Variants in ADAMTSL1 observed in about 807,000 individuals in gnomAD.
ADAMTSL1 encodes ADAMTS-like protein 1.
In ADAMTSL1, 126 loss-of-function variants were observed where a neutral mutation model predicts 201.8. The ratio of observed to expected loss-of-function variants is 0.62; its 90% confidence interval spans 0.54 to 0.72. ADAMTSL1 has a LOEUF of 0.72. ADAMTSL1 is among the 30% of genes least tolerant of loss of function. The probability of loss-of-function intolerance (pLI) is 0.00; values close to 1 mark genes in which losing one functional copy is unlikely to be tolerated. For missense variants in ADAMTSL1, 2,679 were observed against 2,277.8 expected (o/e 1.18, Z -3.59); for synonymous variants, 1,121 against 903.4 (o/e 1.24, Z -4.32).
Position 18,681,700 on chromosome 9 carries a change from G to GGGA in ADAMTSL1, c.1342-110_1342-109insAGG. The GGGA allele has an allele frequency of 3.0e-6, 2 of 673,508 alleles. 1 individual carries two copies. Among genetic ancestry groups the GGGA allele is most frequent in the Non-Finnish European group, 4.3e-6 (2 of 469,508 alleles). The allele number at this position is 673,508 out of a possible 1,614,324, so 41.7% of individuals were successfully genotyped here. ...AAATTTACCAGGAGTCCTCGTGTGG[G>GGGA]GGGGGGGGGCGGGGAAAAAGAAAAC... On this transcript the variant is annotated intron_variant, in intron 11 of 28. Coordinates refer to ENST00000380548, the MANE Select transcript of ADAMTSL1 (RefSeq NM_001040272.6).
intron 3 of ADAMTSL1, among the ~76,000 whole-genome samples, chr9:18,546,231 G>A (rs984380331): frequency 6.6e-6 from 1 of 152,130 alleles, no homozygotes; most frequent in African/African-American, 2.4e-5. Context: ...AGAGTGTTTA[G>A]TTTGGGTTTC....
Position 18,777,725 on chromosome 9 carries a change from A to G in ADAMTSL1, c.3496A>G (p.Ile1166Val), listed in dbSNP as rs755056507. The G allele has an allele frequency of 2.5e-6, 4 of 1,613,482 alleles. No homozygotes were observed. In the Admixed American group the frequency reaches 6.7e-5, roughly 27 times the overall value. The change falls in exon 19 of 29, where the codon ATC (isoleucine) becomes GTC (valine). Residue 1166 changes from isoleucine to valine, a missense_variant. Ile to Val is a conservative substitution (Grantham distance 29, BLOSUM62 3). Coordinates refer to ENST00000380548, the MANE Select transcript of ADAMTSL1 (RefSeq NM_001040272.6). The part of the protein sequence containing the change: ...GSRRPHRKPT[I>V]LRKISAAQQL... ...TCGAAGGCCACACCGCAAGCCCACC[A>G]TCCTGCGCAAGATCTCAGCGGCCCA...
intron 1 of ADAMTSL1, among the ~76,000 whole-genome samples, chr9:18,009,055 C>G (rs978901577): frequency 2.0e-5 from 3 of 151,990 alleles, no homozygotes; most frequent in Non-Finnish European, 4.4e-5. Context: ...CAGATCTGCA[C>G]TCTAGCTCTG....
chr9:18,841,822 C>A (rs551658005), intron 23 of ADAMTSL1, among the ~76,000 whole-genome samples: 2 of 152,290 alleles, frequency 1.3e-5, no homozygotes, highest in African/African-American at 4.8e-5. Context: ...AGTTTATTTG[C>A]GTAGAGGTGT....
At chr9:18,149,560 TC>T (rs1312809240) in intron 1 of ADAMTSL1, among the ~76,000 whole-genome samples, 1 of 152,000 alleles carries the variant, frequency 6.6e-6, no homozygotes, top group African/African-American at 2.4e-5. Flanking sequence ...AAAAGCATCA[TC>T]TCAGGCCCTA....
At chr9:18,139,180 G>A (rs913943712) in intron 1 of ADAMTSL1, among the ~76,000 whole-genome samples, 3 of 152,164 alleles carry the variant, frequency 2.0e-5, no homozygotes, top group African/African-American at 7.2e-5. Flanking sequence ...TCTAAATGCA[G>A]TGTTGAAATG....
At chr9:18,284,077 A>G (rs1169167265) in intron 2 of ADAMTSL1, among the ~76,000 whole-genome samples, 3 of 151,446 alleles carry the variant, frequency 2.0e-5, no homozygotes, top group African/African-American at 4.9e-5. Flanking sequence ...CTAAAAATAG[A>G]AAATTAGCTG....
intron 2 of ADAMTSL1, among the ~76,000 whole-genome samples, chr9:18,308,685 C>T (rs1420951379): frequency 6.6e-6 from 1 of 152,092 alleles, no homozygotes; most frequent in Non-Finnish European, 1.5e-5. Flanking sequence ...GCAATTGAGG[C>T]AGTAATTAAT....
At chr9:18,509,317 A>G (rs1817880358) in intron 2 of ADAMTSL1, among the ~76,000 whole-genome samples, 2 of 151,154 alleles carry the variant, frequency 1.3e-5, no homozygotes, top group Non-Finnish European at 2.9e-5. Context: ...TTTTCCCTCA[A>G]CAACTGGTTC....
intron 2 of ADAMTSL1, among the ~76,000 whole-genome samples, chr9:18,460,919 T>C (rs1379904677): frequency 6.6e-6 from 1 of 152,222 alleles, no homozygotes; most frequent in African/African-American, 2.4e-5. Context: ...CAAATTGCTC[T>C]TGCAGACTCT....
At chr9:18,863,670 T>A (rs1319259243) in intron 23 of ADAMTSL1, among the ~76,000 whole-genome samples, 1 of 152,138 alleles carries the variant, frequency 6.6e-6, no homozygotes, top group Non-Finnish European at 1.5e-5. Flanking sequence ...TGGTGCCAGC[T>A]CCCACTCCTT....
intron 4 of ADAMTSL1, among the ~76,000 whole-genome samples, chr9:18,614,325 C>G (rs994453310): frequency 6.6e-6 from 1 of 152,104 alleles, no homozygotes; most frequent in Non-Finnish European, 1.5e-5. Flanking sequence ...AACATGGTAT[C>G]TTATAGACTA....
At position 18,094,607 on chromosome 9, in the gene ADAMTSL1, A is replaced by C. The variant is rs145164479; in HGVS notation, c.88-69255A>C. On this transcript the variant is annotated intron_variant, in intron 1 of 29. Coordinates refer to the ADAMTSL1 transcript ENST00000680146. ...ATGCCACCTAAATCTAAGTATAATC[A>C]GTGGTTTTGTCTTCTAAATACTTTC... Among the ~76,000 whole-genome samples, 567 of 151,818 alleles carry C rather than the reference A, an allele frequency of 3.7e-3. 3 individuals carry two copies. Among genetic ancestry groups the C allele is most frequent in the African/African-American group, 0.013 (536 of 41,348 alleles).
chr9:18,373,407 A>G (rs1252964408), intron 2 of ADAMTSL1, among the ~76,000 whole-genome samples: 3 of 152,198 alleles, frequency 2.0e-5, no homozygotes, highest in Admixed American at 6.5e-5. Flanking sequence ...GTAGCGCCTT[A>G]TAATATTCCA....
chr9:18,235,366 A>G (rs1043071622), intron 2 of ADAMTSL1, among the ~76,000 whole-genome samples: 2 of 152,186 alleles, frequency 1.3e-5, no homozygotes, highest in East Asian at 1.9e-4. Context: ...GGTACCTGCT[A>G]TCAATACGAC....
At chr9:18,781,758 G>T (rs55845470) in intron 19 of ADAMTSL1, among the ~76,000 whole-genome samples, 22,217 of 152,230 alleles carry the variant, frequency 0.15, 1,931 homozygotes, top group Non-Finnish European at 0.2. Context: ...AGATTCAGCT[G>T]TGTGTTGGTC....
At chr9:18,048,063 A>G (rs1186478848) in intron 1 of ADAMTSL1, among the ~76,000 whole-genome samples, 1 of 152,184 alleles carries the variant, frequency 6.6e-6, no homozygotes, top group Non-Finnish European at 1.5e-5. Flanking sequence ...TAAACATTTG[A>G]CACTATGCTT....
At chr9:18,204,882 C>A (rs1422863743) in intron 2 of ADAMTSL1, among the ~76,000 whole-genome samples, 1 of 152,142 alleles carries the variant, frequency 6.6e-6, no homozygotes, top group Non-Finnish European at 1.5e-5. Flanking sequence ...TTGAAAACAT[C>A]TTTGTTCATT....
intron 26 of ADAMTSL1, among the ~76,000 whole-genome samples, chr9:18,902,033 C>T (rs118142328): frequency 0.015 from 2,325 of 152,196 alleles, 63 homozygotes; most frequent in South Asian, 0.083. Flanking sequence ...ATAGACTATA[C>T]AGTGATAAAA....
Sources: gnomAD v4.1 joint callset for allele counts (sites outside exome capture counted in the v4.1 genomes callset) on GRCh38, gnomAD v4.1.1 for gene constraint, MANE v1.5 for transcripts, NCBI Gene and HGNC (gene_info 2026-07-23, HGNC 2026-07-21) for gene names.